Variants in LDLRAD4 observed in about 807,000 individuals in gnomAD.
LDLRAD4 encodes low-density lipoprotein receptor class A domain-containing protein 4.
A neutral mutation model predicts 17.0 loss-of-function variants in LDLRAD4; 5 were observed. That is an observed-to-expected ratio of 0.29 (90% CI 0.15 to 0.62). The LOEUF (loss-of-function observed/expected upper bound fraction) is 0.62. Ranked by LOEUF, LDLRAD4 falls within the 20% of genes least tolerant of loss-of-function variation. The pLI is 0.84. For missense variants in LDLRAD4, 340 were observed against 424.7 expected (o/e 0.80, Z 1.75); for synonymous variants, 168 against 171.8 (o/e 0.98, Z 0.17).
At chr18:13,569,865 A>T (rs1332856617) in intron 3 of LDLRAD4, among the ~76,000 whole-genome samples, 1 of 152,246 alleles carries the variant, frequency 6.6e-6, no homozygotes, top group Non-Finnish European at 1.5e-5. Flanking sequence ...AGCCTGGGTG[A>T]CAAAGTGAGA....
intron 3 of LDLRAD4, among the ~76,000 whole-genome samples, chr18:13,446,728 G>C (rs963305100): frequency 6.6e-6 from 1 of 152,232 alleles, no homozygotes; most frequent in South Asian, 2.1e-4. Context: ...GCATGGGGGC[G>C]GCTCTGTTTC....
chr18:13,431,209 G>A (rs2090311944), intron 2 of LDLRAD4, among the ~76,000 whole-genome samples: 1 of 152,176 alleles, frequency 6.6e-6, no homozygotes. Flanking sequence ...AGCCACTGTT[G>A]ATATATGGGT....
At position 13,370,486 on chromosome 18, in the gene LDLRAD4, T is replaced by G. The variant is rs111901540; in HGVS notation, c.-382-16855T>G. Among the ~76,000 whole-genome samples, 875 of 152,284 alleles carry G rather than the reference T, an allele frequency of 5.7e-3. 8 individuals carry two copies. Among genetic ancestry groups the G allele is most frequent in the African/African-American group, 0.02 (845 of 41,556 alleles). On this transcript the variant is annotated intron_variant, in intron 1 of 5. Transcript: ENST00000359446. ...TTTGCCTTTATTGATTTGAGCTGACTGTGTTGATGCCCCTAGTGACTCTGG... is the reference window on the plus strand; with the variant it reads ...TTTGCCTTTATTGATTTGAGCTGACGGTGTTGATGCCCCTAGTGACTCTGG...
chr18:13,431,336 G>A (rs1486117532), intron 2 of LDLRAD4, among the ~76,000 whole-genome samples: 2 of 152,214 alleles, frequency 1.3e-5, no homozygotes, highest in Non-Finnish European at 2.9e-5. Flanking sequence ...AAGAAGTGAG[G>A]AAGAATGCCT....
intron 1 of LDLRAD4, among the ~76,000 whole-genome samples, chr18:13,232,150 G>A (rs2145524656): frequency 6.6e-6 from 1 of 152,356 alleles, no homozygotes; most frequent in African/African-American, 2.4e-5. Flanking sequence ...CGCGAGTACG[G>A]TGCAGGCTGG....
At chr18:13,491,557 C>T (rs772612479) in intron 3 of LDLRAD4, 4 of 152,156 alleles carry the variant, frequency 2.6e-5, no homozygotes, top group Non-Finnish European at 5.9e-5. Context: ...TAGTTTCTGT[C>T]TGTTTCCTTT....
At chr18:13,419,633 A>G (rs2089261738) in intron 2 of LDLRAD4, 1 of 152,218 alleles carries the variant, frequency 6.6e-6, no homozygotes, top group Non-Finnish European at 1.5e-5. Context: ...CTTTCCCAAG[A>G]TCACACAGGT....
intron 3 of LDLRAD4, among the ~76,000 whole-genome samples, chr18:13,571,976 G>GA (rs1370068992): frequency 6.6e-6 from 1 of 152,226 alleles, no homozygotes; most frequent in Non-Finnish European, 1.5e-5. Context: ...CCTAAGTGAA[G>GA]AGTGTTCAGG....
intron 1 of LDLRAD4, among the ~76,000 whole-genome samples, chr18:13,337,560 A>T (rs1225): frequency 0.43 from 65,657 of 151,868 alleles, 16,872 homozygotes; most frequent in Non-Finnish European, 0.57. Flanking sequence ...AAGCAACTTG[A>T]TCAGTGTTAC....
At chr18:13,337,418 T>C (rs1316575925) in intron 1 of LDLRAD4, among the ~76,000 whole-genome samples, 2 of 152,222 alleles carry the variant, frequency 1.3e-5, no homozygotes. Flanking sequence ...CCTAGTTCCA[T>C]GGAAAATGGA....
chr18:13,243,601 C>T (rs1025913496), intron 1 of LDLRAD4, among the ~76,000 whole-genome samples: 1 of 151,556 alleles, frequency 6.6e-6, no homozygotes, highest in Non-Finnish European at 1.5e-5. Flanking sequence ...ATCCACCCAC[C>T]CATCCATCCA....
Position 13,578,855 on chromosome 18 carries a change from T to TTTTG in LDLRAD4, c.182-42262_182-42261insTTTG, listed in dbSNP as rs1400353235. Among the ~76,000 whole-genome samples the TTTTG allele has an allele frequency of 8.7e-4, 122 of 140,610 alleles. 8 individuals are homozygous for TTTTG. Among genetic ancestry groups the TTTTG allele is most frequent in the African/African-American group, 3.1e-3 (116 of 36,974 alleles). The allele number at this position is 140,610 out of a possible 152,430, so 92.2% of individuals were successfully genotyped here. On this transcript the variant is annotated intron_variant, in intron 3 of 5. Transcript: ENST00000359446. Reference sequence around the variant, plus strand: ...TTTTTTTTTTTTTTTTTTTTTTTTTTGTCAGAGATCATGGTAGACCACAAA... The same window carrying TTTTG: ...TTTTTTTTTTTTTTTTTTTTTTTTTTTTTGGTCAGAGATCATGGTAGACCACAAA...
At chr18:13,230,180 GA>G (rs2042002534) in intron 1 of LDLRAD4, among the ~76,000 whole-genome samples, 1 of 152,218 alleles carries the variant, frequency 6.6e-6, no homozygotes, top group African/African-American at 2.4e-5. Context: ...TGCCATCTAT[GA>G]AGAATGGGCC....
chr18:13,262,438 GGAAAC>G (rs1293888550), intron 1 of LDLRAD4, among the ~76,000 whole-genome samples: 24 of 137,178 alleles, frequency 1.7e-4, no homozygotes, highest in South Asian at 7.3e-4. Flanking sequence ...CCCTGTGCGT[GGAAAC>G]TGAGTCCCGT....
chr18:13,224,028 C>G (rs891910900), intron 1 of LDLRAD4, among the ~76,000 whole-genome samples: 1 of 152,198 alleles, frequency 6.6e-6, no homozygotes, highest in Admixed American at 6.5e-5. Flanking sequence ...GGACTCTATC[C>G]AGCCAGCAAG....
intron 3 of LDLRAD4, among the ~76,000 whole-genome samples, chr18:13,605,341 C>T (rs745776469): frequency 9.2e-5 from 14 of 152,324 alleles, no homozygotes; most frequent in Admixed American, 5.2e-4. Context: ...CTTCAGCCTC[C>T]GGAGTAACTG....
intron 3 of LDLRAD4, among the ~76,000 whole-genome samples, chr18:13,551,990 G>A (rs1331964890): frequency 6.6e-6 from 1 of 152,124 alleles, no homozygotes; most frequent in East Asian, 1.9e-4. Flanking sequence ...GGAGGTTCCA[G>A]TAGCTTTAAT....
At chr18:13,296,015 C>G (rs956562837) in intron 1 of LDLRAD4, among the ~76,000 whole-genome samples, 1 of 152,218 alleles carries the variant, frequency 6.6e-6, no homozygotes, top group African/African-American at 2.4e-5. Flanking sequence ...GCCCAGGACC[C>G]CACCGGCAGC....
intron 2 of LDLRAD4, among the ~76,000 whole-genome samples, chr18:13,403,383 T>C (rs117114758): frequency 6.6e-6 from 1 of 152,334 alleles, no homozygotes; most frequent in Non-Finnish European, 1.5e-5. Context: ...CCTGGTGCAG[T>C]GTCATAGACT....
Sources: gnomAD v4.1 joint callset for allele counts (sites outside exome capture counted in the v4.1 genomes callset) on GRCh38, gnomAD v4.1.1 for gene constraint, MANE v1.5 for transcripts, NCBI Gene and HGNC (gene_info 2026-07-23, HGNC 2026-07-21) for gene names.